RAB3C: variants seen among roughly 807,000 people sequenced by gnomAD.
The protein encoded by RAB3C is ras-related protein Rab-3C.
Under a neutral mutation model 26.4 loss-of-function variants are expected in RAB3C, and 17 were observed. The ratio of observed to expected loss-of-function variants is 0.64; its 90% confidence interval spans 0.44 to 0.97. The LOEUF is 0.97. Among genes scored for constraint, RAB3C ranks in the 50% least tolerant of loss-of-function variants. RAB3C has a pLI of 0.00. For missense variants in RAB3C, 242 were observed against 281.9 expected (o/e 0.86, Z 1.01); for synonymous variants, 91 against 95.9 (o/e 0.95, Z 0.30).
intron 3 of RAB3C, among the ~76,000 whole-genome samples, chr5:58,769,252 T>A (rs1741976173): frequency 6.6e-6 from 1 of 152,006 alleles, no homozygotes; most frequent in Admixed American, 6.6e-5. Flanking sequence ...CATTTGAAAT[T>A]TCCATTGGAT....
chr5:58,586,225 A>G (rs1388078211), intron 1 of RAB3C, among the ~76,000 whole-genome samples: 2 of 152,094 alleles, frequency 1.3e-5, no homozygotes, highest in South Asian at 2.1e-4. Context: ...TAAAAATCCT[A>G]GCAGTCACTA....
At chr5:58,731,120 G>T (rs1741010638) in intron 3 of RAB3C, among the ~76,000 whole-genome samples, 1 of 152,068 alleles carries the variant, frequency 6.6e-6, no homozygotes, top group African/African-American at 2.4e-5. Flanking sequence ...GGTGAGATTC[G>T]GGTGGAGACA....
At chr5:58,752,152 G>T (rs1334117332) in intron 3 of RAB3C, among the ~76,000 whole-genome samples, 2 of 152,120 alleles carry the variant, frequency 1.3e-5, no homozygotes, top group Admixed American at 1.3e-4. Flanking sequence ...AAACTATTTA[G>T]TAATTTTCAA....
At chr5:58,660,419 A>G (rs916017391) in intron 2 of RAB3C, among the ~76,000 whole-genome samples, 3 of 150,294 alleles carry the variant, frequency 2.0e-5, no homozygotes, top group Non-Finnish European at 4.4e-5. Context: ...CAAGCCATGC[A>G]GAAACAACAT....
intron 4 of RAB3C, among the ~76,000 whole-genome samples, chr5:58,833,910 A>G (rs1743676099): frequency 6.6e-6 from 1 of 152,246 alleles, no homozygotes. Flanking sequence ...CTTTAGGAAG[A>G]AAAAGACAAC....
At chr5:58,726,930 T>C (rs557243365) in intron 3 of RAB3C, among the ~76,000 whole-genome samples, 8 of 152,062 alleles carry the variant, frequency 5.3e-5, no homozygotes, top group African/African-American at 1.9e-4. Context: ...AGGACGGTTT[T>C]TCTGTGGAAG....
At chr5:58,788,336 G>A (rs1484357240) in intron 3 of RAB3C, 1 of 152,228 alleles carries the variant, frequency 6.6e-6, no homozygotes, top group Non-Finnish European at 1.5e-5. Context: ...GAAAGCCCCA[G>A]CTGCACTGCC....
At chr5:58,668,598 C>G (rs1473335759) in intron 2 of RAB3C, among the ~76,000 whole-genome samples, 1 of 152,070 alleles carries the variant, frequency 6.6e-6, no homozygotes, top group African/African-American at 2.4e-5. Context: ...ATATTTGAGG[C>G]ATAATCAGGG....
At chr5:58,682,473 A>G (rs1748365975) in intron 2 of RAB3C, among the ~76,000 whole-genome samples, 1 of 152,004 alleles carries the variant, frequency 6.6e-6, no homozygotes. Context: ...TCATGGGGTC[A>G]GGAGATCGAG....
intron 3 of RAB3C, among the ~76,000 whole-genome samples, chr5:58,812,394 T>A (rs973424866): frequency 6.6e-6 from 1 of 152,160 alleles, no homozygotes; most frequent in South Asian, 2.1e-4. Context: ...CTGAATCAGA[T>A]GATCTAGGGG....
At chr5:58,789,395 C>T (rs1742469250) in intron 3 of RAB3C, among the ~76,000 whole-genome samples, 2 of 152,160 alleles carry the variant, frequency 1.3e-5, no homozygotes, top group Admixed American at 1.3e-4. Flanking sequence ...CAGACATTTG[C>T]TCCTATCATT....
chr5:58,653,131 C>G (rs957744775), intron 2 of RAB3C, among the ~76,000 whole-genome samples: 7 of 152,092 alleles, frequency 4.6e-5, no homozygotes, highest in African/African-American at 1.2e-4. Context: ...CCTTGCCCCC[C>G]ACCCTCTGAC....
chr5:58,634,111 A>G (rs1275102075), intron 2 of RAB3C, among the ~76,000 whole-genome samples: 1 of 151,760 alleles, frequency 6.6e-6, no homozygotes, highest in African/African-American at 2.4e-5. Context: ...ACTGCACTCC[A>G]GCTTGGGCAA....
At chr5:58,779,731 T>A (rs898719942) in intron 3 of RAB3C, among the ~76,000 whole-genome samples, 2 of 152,136 alleles carry the variant, frequency 1.3e-5, no homozygotes, top group Admixed American at 1.3e-4. Context: ...GAGCCAGAAC[T>A]GAACACTGGT....
At chr5:58,793,531 CA>C (rs55868904) in intron 3 of RAB3C, among the ~76,000 whole-genome samples, 13,699 of 68,964 alleles carry the variant, frequency 0.2, 617 homozygotes, top group Non-Finnish European at 0.25. Flanking sequence ...CACTCCACCT[CA>C]AAAAAAAAAA....
At chr5:58,599,757 T>C (rs1001401589) in intron 1 of RAB3C, among the ~76,000 whole-genome samples, 14 of 152,116 alleles carry the variant, frequency 9.2e-5, no homozygotes, top group African/African-American at 3.4e-4. Context: ...TAGTCCTTTG[T>C]CAGATGTATA....
At chr5:58,818,172 A>G (rs1743257925) in intron 3 of RAB3C, among the ~76,000 whole-genome samples, 1 of 152,196 alleles carries the variant, frequency 6.6e-6, no homozygotes, top group East Asian at 1.9e-4. Context: ...AAAGTCTGTC[A>G]TTCTCCATGA....
At position 58,597,770 on chromosome 5, in the gene RAB3C, A is replaced by ATAATACATTATATATAAGTATATAACATG. The variant is rs1561261255; in HGVS notation, c.24+14561_24+14589dup. 1.8e-4 allele frequency among the ~76,000 whole-genome samples: 19 copies of ATAATACATTATATATAAGTATATAACATG among 105,818 alleles called. 5 individuals carry two copies. The highest frequency in any genetic ancestry group is 1.6e-3 in the South Asian group (5 of 3,140). 69.4% of individuals were successfully genotyped at this position (105,818 alleles called of 152,430 possible). A position where few individuals can be genotyped will look rare whatever the true frequency, so the allele number is the denominator to read the frequency against. ...TACATTATATATAAGTATATAACAT[A>ATAATACATTATATATAAGTATATAACATG]TAATACATTATATATAAGTATATAA... On this transcript the variant is annotated intron_variant, in intron 1 of 4. Transcript: ENST00000282878.
At chr5:58,619,960 A>AGCT (rs1746900611) in intron 2 of RAB3C, among the ~76,000 whole-genome samples, 1 of 151,786 alleles carries the variant, frequency 6.6e-6, no homozygotes, top group Non-Finnish European at 1.5e-5. Flanking sequence ...CAGATCCCTG[A>AGCT]GCTGCTTCTA....
Sources: allele counts gnomAD v4.1 joint callset (sites outside exome capture counted in the v4.1 genomes callset), GRCh38; gene constraint gnomAD v4.1.1; transcripts MANE v1.5; gene names NCBI Gene and HGNC (gene_info 2026-07-23, HGNC 2026-07-21).